The following BRCA2 variants were observed in gnomAD, a reference collection of about 807,000 sequenced individuals.
The protein encoded by BRCA2 is BRCA2 DNA repair associated, also known as breast cancer type 2 susceptibility protein.
BRCA2 carries 203 observed loss-of-function variants against 276.7 expected under a neutral mutation model. The ratio of observed to expected loss-of-function variants is 0.73; its 90% CI spans 0.65 to 0.82. The LOEUF (loss-of-function observed/expected upper bound fraction) is 0.82, where lower values mean the gene tolerates loss of function less well. Among genes scored for constraint, BRCA2 ranks in the 40% least tolerant of loss-of-function variants. BRCA2 has a pLI of 0.00. For missense variants in BRCA2, 3,920 were observed against 3,915.0 expected, an observed-to-expected ratio of 1.00 and a Z score of -0.03; for synonymous variants, 1,289 against 1,338.4, an observed-to-expected ratio of 0.96 and a Z score of 0.81.
rs1049486589 is a variant in BRCA2, at chr13:32,333,314, A to G, written c.1836A>G (p.Glu612=). Residue 612 remains glutamate, a synonymous_variant, in exon 10 of 27, where the codon GAA becomes GAG. Coordinates refer to ENST00000380152, the MANE Select transcript of BRCA2 (RefSeq NM_000059.4). ...AAATACCGAAAGACCAAAAATCAGA[A>G]CTAATTAACTGTTCAGCCCAGTTTG... ...GKKIPKDQKS[E]LINCSAQFEA... The G allele has an allele frequency of 6.2e-7, 1 of 1,607,326 alleles. No homozygotes were observed. Among genetic ancestry groups the G allele is most frequent in the African/African-American group, 1.3e-5 (1 of 74,400 alleles).
At chr13:32,333,441 A>AT in intron 10 of BRCA2, 54 bp downstream of exon 10, 1 of 1,552,576 alleles carries the variant, frequency 6.4e-7, no homozygotes, top group East Asian at 2.3e-5. Flanking sequence ...ATAGATGACG[A>AT]TTCCTTCTGT....
At chr13:32,367,418 C>T (rs2072791016) in intron 18 of BRCA2, among the ~76,000 whole-genome samples, 1 of 151,516 alleles carries the variant, frequency 6.6e-6, no homozygotes, top group South Asian at 2.1e-4. Flanking sequence ...GCCTGGGTGA[C>T]AGAGCGAGAC....
intron 8 of BRCA2, among the ~76,000 whole-genome samples, chr13:32,330,521 C>T (rs1240103310): frequency 6.6e-6 from 1 of 152,226 alleles, no homozygotes; most frequent in Non-Finnish European, 1.5e-5. Context: ...AACACAAGCA[C>T]TGTGGTACCA....
At chr13:32,331,693 A>G (rs758633315) in intron 9 of BRCA2, among the ~76,000 whole-genome samples, 12 of 152,198 alleles carry the variant, frequency 7.9e-5, no homozygotes, top group Non-Finnish European at 1.6e-4. Flanking sequence ...AATAAGATAT[A>G]TAATTAACAA....
rs397507347 is a variant in BRCA2, at chr13:32,339,439, A to T, written c.5084A>T (p.Glu1695Val). 1.3e-6 allele frequency: 2 copies of T among 1,591,548 alleles called. No homozygotes were observed. The change falls in exon 11 of 27, where the codon GAA becomes GTA. Residue 1695 changes from glutamate to valine, a missense_variant. Coordinates refer to ENST00000380152, the MANE Select transcript of BRCA2 (RefSeq NM_000059.4). ...CTTGAAGCAAAAAAATGGCTTAGAG[A>T]AGGAATATTTGATGGTCAACCAGAA... ...SLLEAKKWLR[E>V]GIFDGQPERI...
chr13:32,357,899 A>G lies in BRCA2; in HGVS notation c.7775A>G (p.Asp2592Gly), dbSNP rs1279697432. The change falls in exon 16 of 27, where the codon GAT (aspartate) becomes GGT (glycine). Residue 2592 changes from aspartate (D) to glycine (G), a missense_variant. Transcript: ENST00000380152. ...ADGGWLIPSN[D>G]GKAGKEEFYR... is the part of the protein sequence containing the mutation. ...GGTGGATGGCTCATACCCTCCAATG[A>G]TGGAAAGGCTGGAAAAGAAGAATTT... 2 of 1,614,144 alleles carry G rather than the reference A, an allele frequency of 1.2e-6. No individual in the cohort carries two copies. Among genetic ancestry groups the G allele is most frequent in the Non-Finnish European group, 1.7e-6 (2 of 1,180,018 alleles).
intron 21 of BRCA2, among the ~76,000 whole-genome samples, 156 bp from the exon 22 acceptor site, chr13:32,379,161 C>G (rs1476338111): frequency 6.6e-6 from 1 of 152,082 alleles, no homozygotes; most frequent in Non-Finnish European, 1.5e-5. Flanking sequence ...GTTTGAGGCA[C>G]CTGAGAATAT....
rs144862123 is a variant in BRCA2 at position 32,337,281 on chromosome 13, T to A, written c.2926T>A (p.Ser976Thr). Residue 976 changes from serine (S) to threonine (T), a missense_variant, in exon 11 of 27, where the codon TCC (serine) becomes ACC (threonine). Transcript: ENST00000380152. The stretch of plus-strand genomic sequence containing the variant: ...AGGTCAAGATTTAAAATCGGACATC[T>A]CCTTGAATATAGATAAAATACCAGA... ...TLGQDLKSDI[S>T]LNIDKIPEKN... is the part of the protein sequence containing the mutation. 564 of 1,611,872 alleles carry A rather than the reference T, an allele frequency of 3.5e-4. 3 individuals are homozygous for A. The African/African-American group carries it at 6.8e-3, about 19-fold the overall frequency.
chr13:32,317,968 A>G lies in BRCA2; in HGVS notation c.68-1109A>G, dbSNP rs530731279. On this transcript the variant is annotated intron_variant, in intron 2 of 26. Transcript: ENST00000380152. ...TTCAGTATGCAGAAGTGCTTTATGT[A>G]TGCTTCCTATTTTGTCAGAGATTAT... is the stretch of plus-strand genomic sequence containing the variant. Among the ~76,000 whole-genome samples the G allele has an allele frequency of 5.9e-5, 9 of 152,346 alleles. No homozygotes were observed. In the South Asian group the frequency reaches 1.2e-3, roughly 21 times the overall value.
In BRCA2 at chr13:32,399,885, C is replaced by G. The variant is rs1148320; in HGVS notation, c.*1115C>G. 1 of 151,934 alleles carries G rather than the reference C, an allele frequency of 6.6e-6. No individual in the cohort carries two copies. Among genetic ancestry groups the G allele is most frequent in the Non-Finnish European group, 1.5e-5 (1 of 68,114 alleles). 9.4% of individuals were successfully genotyped at this position (151,934 alleles called of 1,614,324 possible). ...CTGCAGCCTCCACTTCCCGGGTTCA[C>G]GTAATTCTCCCACCTCAAGCCTCCC... On this transcript the variant is annotated 3_prime_UTR_variant, in exon 27 of 27. Transcript: ENST00000380152.
intron 13 of BRCA2, among the ~76,000 whole-genome samples, chr13:32,349,197 A>G (rs2137545133): frequency 6.9e-6 from 1 of 144,686 alleles, no homozygotes; most frequent in Middle Eastern, 3.6e-3. Flanking sequence ...AGCCTGGGTG[A>G]CAGAGTGAGA....
In BRCA2 at chr13:32,339,400, G is replaced by A. The variant is rs41293493; in HGVS notation, c.5045G>A (p.Ser1682Asn). Residue 1682 changes from serine to asparagine, a missense_variant, in exon 11 of 27, where the codon AGT (serine) becomes AAT (asparagine). Coordinates refer to ENST00000380152, the MANE Select transcript of BRCA2 (RefSeq NM_000059.4). Reference sequence around the variant, plus strand: ...AGTTGTAGTAGAAAAACTTCTGTGAGTCAGACTTCATTACTTGAAGCAAAA... The same window carrying A: ...AGTTGTAGTAGAAAAACTTCTGTGAATCAGACTTCATTACTTGAAGCAAAA... ...YTSCSRKTSV[S>N]QTSLLEAKKW... 5.6e-6 allele frequency: 9 copies of A among 1,596,178 alleles called. No homozygotes were observed. Among genetic ancestry groups the A allele is most frequent in the Non-Finnish European group, 7.7e-6 (9 of 1,172,706 alleles).
chr13:32,338,445 A>C lies in BRCA2; in HGVS notation c.4090A>C (p.Ile1364Leu), dbSNP rs56248502. 9.0e-4 allele frequency: 1,449 copies of C among 1,611,934 alleles called. 15 individuals are homozygous for C. In the African/African-American group the frequency reaches 0.017, roughly 19 times the overall value. ...TDLLFTDQHN[I>L]CLKLSGQFMK... ...CTTGCTATTTACTGATCAGCACAACATATGTCTTAAATTATCTGGCCAGTT... is the reference window on the plus strand; with the variant it reads ...CTTGCTATTTACTGATCAGCACAACCTATGTCTTAAATTATCTGGCCAGTT... The change falls in exon 11 of 27, where the codon ATA (isoleucine) becomes CTA (leucine). Residue 1364 changes from isoleucine to leucine, a missense_variant. Transcript: ENST00000380152.
chr13:32,334,150 T>C (rs757535661), intron 10 of BRCA2, among the ~76,000 whole-genome samples: 67 of 152,222 alleles, frequency 4.4e-4, no homozygotes, highest in Non-Finnish European at 8.7e-4. Context: ...ATGGGATTGC[T>C]GAGTCAGATG....
At chr13:32,381,418 G>C (rs1413861941) in intron 24 of BRCA2, among the ~76,000 whole-genome samples, 1 of 152,172 alleles carries the variant, frequency 6.6e-6, no homozygotes, top group Non-Finnish European at 1.5e-5. Context: ...ATTTTAGATT[G>C]AGAGGTGAGG....
At chr13:32,389,559 A>G (rs1006413978) in intron 24 of BRCA2, among the ~76,000 whole-genome samples, 2 of 152,198 alleles carry the variant, frequency 1.3e-5, no homozygotes, top group Non-Finnish European at 2.9e-5. Flanking sequence ...TAGAATTTGT[A>G]GTTGATAATT....
intron 11 of BRCA2, among the ~76,000 whole-genome samples, chr13:32,341,773 C>T (rs954266543): frequency 1.3e-5 from 2 of 150,354 alleles, no homozygotes; most frequent in South Asian, 4.2e-4. Flanking sequence ...GAGGCTGAGG[C>T]AGGAGAATGG....
intron 2 of BRCA2, among the ~76,000 whole-genome samples, 177 bp downstream of exon 2, chr13:32,316,704 T>C (rs1279899106): frequency 2.0e-5 from 3 of 152,124 alleles, no homozygotes; most frequent in Admixed American, 2.0e-4. Flanking sequence ...ATGATAAATA[T>C]AGAACGTCTA....
intron 24 of BRCA2, chr13:32,384,790 G>T (rs2072947339): frequency 3.7e-6 from 1 of 267,496 alleles, no homozygotes; most frequent in South Asian, 7.6e-5. Context: ...GACCAGATTG[G>T]GTTTCTAGAC....
Sources: gnomAD v4.1 joint callset for allele counts (sites outside exome capture counted in the v4.1 genomes callset) on GRCh38, gnomAD v4.1.1 for gene constraint, MANE v1.5 for transcripts, NCBI Gene and HGNC (gene_info 2026-07-23, HGNC 2026-07-21) for gene names.